The following MCC variants were observed in gnomAD, a reference collection of about 807,000 sequenced individuals.
MCC encodes the protein MCC regulator of Wnt signaling pathway, also known as colorectal mutant cancer protein.
MCC carries 90 observed loss-of-function variants against 116.2 expected under a neutral mutation model. That is an observed-to-expected ratio of 0.77 (90% CI 0.65 to 0.92). The LOEUF (loss-of-function observed/expected upper bound fraction) is 0.92. MCC is among the 40% of genes least tolerant of loss of function. The pLI is 0.00. For synonymous variants in MCC, 578 were observed against 510.5 expected, an observed-to-expected ratio of 1.13 and a Z score of -1.78; for missense variants, 1,516 against 1,312.2, an observed-to-expected ratio of 1.16 and a Z score of -2.40.
chr5:113,344,540 T>TGAGGA (rs1034998128), intron 2 of MCC, among the ~76,000 whole-genome samples: 1 of 151,304 alleles, frequency 6.6e-6, no homozygotes, highest in African/African-American at 2.4e-5. Context: ...TCCTTCTGCT[T>TGAGGA]GAGGAGAGGA....
rs775750897 is a variant in MCC, at chr5:113,310,418, C to T, written c.627+30101G>A. On this transcript the variant is annotated intron_variant, in intron 3 of 18. Transcript: ENST00000408903. ...CTTTTGAACTTCCCAGCCTCCAGAA[C>T]GCTAAGAAATAAAGTTCTGTTCTTT... is the stretch of plus-strand genomic sequence containing the variant. 7.2e-5 allele frequency among the ~76,000 whole-genome samples: 11 copies of T among 152,298 alleles called. No individual in the cohort carries two copies. In the South Asian group the frequency reaches 1.9e-3, roughly 26 times the overall value.
chr5:113,070,952 T>G (rs1580984644), intron 12 of MCC, 142 bp downstream of exon 12: 2 of 736,540 alleles, frequency 2.7e-6, no homozygotes. Context: ...TCTTAGCTAT[T>G]TGCTGTCCAA....
At chr5:113,044,056 C>A (rs1338089765) in intron 16 of MCC, among the ~76,000 whole-genome samples, 2 of 152,298 alleles carry the variant, frequency 1.3e-5, no homozygotes. Context: ...GGATTCAAAC[C>A]CAAGCTGTGT....
At chr5:113,294,848 T>C (rs1348557078) in intron 3 of MCC, 2 of 985,710 alleles carry the variant, frequency 2.0e-6, no homozygotes, top group Non-Finnish European at 1.2e-6. Context: ...GATCCGCGCC[T>C]CGGATTCCAG....
chr5:113,260,741 A>T (rs1561491276), intron 3 of MCC, among the ~76,000 whole-genome samples: 1 of 150,424 alleles, frequency 6.6e-6, no homozygotes, highest in East Asian at 1.9e-4. Context: ...ATGCCTACAC[A>T]TTTTTTTTTA....
intron 3 of MCC, among the ~76,000 whole-genome samples, chr5:113,304,919 C>A (rs1271510573): frequency 1.3e-5 from 2 of 151,802 alleles, no homozygotes; most frequent in African/African-American, 4.8e-5. Flanking sequence ...AAATGCCTGC[C>A]ACTGTTATTT....
chr5:113,032,429 AAG>A (rs1751022441), intron 17 of MCC, among the ~76,000 whole-genome samples: 2 of 151,586 alleles, frequency 1.3e-5, no homozygotes, highest in South Asian at 2.1e-4. Context: ...AAAAAAAAAA[AAG>A]GATACTGATT....
At chr5:113,356,407 A>C (rs924826593) in intron 2 of MCC, among the ~76,000 whole-genome samples, 1 of 148,348 alleles carries the variant, frequency 6.7e-6, no homozygotes, top group African/African-American at 2.5e-5. Context: ...TATATATATC[A>C]AGTTTTAAAA....
At chr5:113,401,978 T>C (rs1036980536) in intron 1 of MCC, among the ~76,000 whole-genome samples, 2 of 151,506 alleles carry the variant, frequency 1.3e-5, no homozygotes, top group Admixed American at 1.3e-4. Flanking sequence ...GCCTCCCAAG[T>C]AGGTAGGACT....
intron 5 of MCC, among the ~76,000 whole-genome samples, chr5:113,126,935 C>T (rs530946192): frequency 3.5e-4 from 54 of 152,170 alleles, no homozygotes; most frequent in South Asian, 3.5e-3. Context: ...CAGGTAAACT[C>T]GTGTCTTGGG....
At chr5:113,222,757 G>C (rs926612743) in intron 3 of MCC, among the ~76,000 whole-genome samples, 2 of 152,142 alleles carry the variant, frequency 1.3e-5, no homozygotes, top group African/African-American at 4.8e-5. Context: ...ACTCTGCTAG[G>C]AGCTGGGAAT....
intron 1 of MCC, among the ~76,000 whole-genome samples, chr5:113,466,440 T>A (rs1771911522): frequency 6.6e-6 from 1 of 151,222 alleles, no homozygotes; most frequent in African/African-American, 2.4e-5. Context: ...GGTGTTTGGT[T>A]TTTTGTCCTT....
chr5:113,051,154 A>G (rs1752459459), intron 15 of MCC, among the ~76,000 whole-genome samples: 1 of 152,194 alleles, frequency 6.6e-6, no homozygotes, highest in Non-Finnish European at 1.5e-5. Context: ...AGATCTAAAC[A>G]TAGAACCACT....
intron 5 of MCC, among the ~76,000 whole-genome samples, chr5:113,141,054 G>A (rs1231916641): frequency 1.3e-5 from 2 of 152,164 alleles, no homozygotes; most frequent in African/African-American, 4.8e-5. Context: ...TAGTGTGTGT[G>A]GGCACCATCC....
intron 3 of MCC, among the ~76,000 whole-genome samples, chr5:113,212,627 T>C (rs1404376260): frequency 3.9e-5 from 6 of 152,188 alleles, no homozygotes; most frequent in African/African-American, 1.4e-4. Context: ...TTCTCTATCA[T>C]TTTAGGCAAC....
intron 17 of MCC, among the ~76,000 whole-genome samples, chr5:113,039,587 C>A (rs1403902566): frequency 9.2e-5 from 14 of 152,150 alleles, no homozygotes; most frequent in Admixed American, 9.2e-4. Flanking sequence ...GGCAAGCAAG[C>A]CCAATGCTGC....
At chr5:113,371,496 C>T (rs562096698) in intron 2 of MCC, among the ~76,000 whole-genome samples, 5 of 152,252 alleles carry the variant, frequency 3.3e-5, no homozygotes, top group African/African-American at 1.2e-4. Flanking sequence ...ATAAATCTGA[C>T]ACGGTAATAT....
intron 1 of MCC, among the ~76,000 whole-genome samples, chr5:113,417,820 T>G (rs1468476876): frequency 6.6e-6 from 1 of 151,934 alleles, no homozygotes; most frequent in Non-Finnish European, 1.5e-5. Flanking sequence ...TCCTAGCTAC[T>G]CAGGAGGCTG....
chr5:113,092,638 C>A (rs1174726858), intron 8 of MCC, among the ~76,000 whole-genome samples: 1 of 152,144 alleles, frequency 6.6e-6, no homozygotes, highest in African/African-American at 2.4e-5. Flanking sequence ...CCTAAGAATA[C>A]ATGATTTTCA....
Sources: gnomAD v4.1 joint callset for allele counts (sites outside exome capture counted in the v4.1 genomes callset) on GRCh38, gnomAD v4.1.1 for gene constraint, MANE v1.5 for transcripts, NCBI Gene and HGNC (gene_info 2026-07-23, HGNC 2026-07-21) for gene names.